The following C12orf42 variants were observed in gnomAD, a reference collection of about 807,000 sequenced individuals.
C12orf42 encodes chromosome 12 open reading frame 42, also known as uncharacterized protein C12orf42.
C12orf42 carries 25 observed loss-of-function variants against 21.6 expected under a neutral mutation model. The ratio of observed to expected loss-of-function variants is 1.16; its 90% CI spans 0.84 to 1.62. The LOEUF (loss-of-function observed/expected upper bound fraction) is 1.62. C12orf42 is among the 40% of genes most tolerant of loss of function. The probability of loss-of-function intolerance (pLI) is 0.00; values close to 1 mark genes in which losing one functional copy is unlikely to be tolerated. For synonymous variants in C12orf42, 174 were observed against 175.0 expected (o/e 0.99, Z 0.05); for missense variants, 483 against 459.3 (o/e 1.05, Z -0.47).
At chr12:103,427,989 A>AT (rs903816817) in intron 2 of C12orf42, among the ~76,000 whole-genome samples, 4 of 152,222 alleles carry the variant, frequency 2.6e-5, no homozygotes, top group African/African-American at 9.6e-5. Context: ...TTAGAGGGAA[A>AT]TTTATAGCAC....
intron 5 of C12orf42, among the ~76,000 whole-genome samples, chr12:103,303,037 C>T (rs1162983942): frequency 6.6e-6 from 1 of 152,064 alleles, no homozygotes; most frequent in African/African-American, 2.4e-5. Flanking sequence ...ATACAGGAGG[C>T]TGTTATTTCA....
upstream of C12orf42, among the ~76,000 whole-genome samples, chr12:103,500,801 A>G (rs1213872055): frequency 6.6e-6 from 1 of 152,216 alleles, no homozygotes; most frequent in Non-Finnish European, 1.5e-5. Flanking sequence ...CTAAATATCA[A>G]CTGTTTATGT....
chr12:103,180,790 G>A, the C12orf42 span, among the ~76,000 whole-genome samples: 5 of 150,518 alleles, frequency 3.3e-5, no homozygotes, highest in Non-Finnish European at 5.9e-5. Flanking sequence ...CACCACACCC[G>A]GCTAATTTTG....
rs118027319 is a variant in C12orf42, at chr12:103,391,080, T to C, written c.147+10527A>G. Among the ~76,000 whole-genome samples, 54 of 152,330 alleles carry C rather than the reference T, an allele frequency of 3.5e-4. No individual in the cohort carries two copies. The East Asian group carries it at 8.7e-3, about 24-fold the overall frequency. On this transcript the variant is annotated intron_variant, in intron 3 of 5. Coordinates refer to ENST00000548883, the MANE Select transcript of C12orf42 (RefSeq NM_198521.5). Reference sequence around the variant, plus strand: ...TATTTGCTCTTTCGTGTCTGGTTTATTTTACTTGGCATAATATTTCCATGG... The same window carrying C: ...TATTTGCTCTTTCGTGTCTGGTTTACTTTACTTGGCATAATATTTCCATGG...
At chr12:103,212,925 A>G in the C12orf42 span, among the ~76,000 whole-genome samples, 1 of 152,042 alleles carries the variant, frequency 6.6e-6, no homozygotes, top group African/African-American at 2.4e-5. Flanking sequence ...GCAGTTAGAT[A>G]CACACACGCA....
chr12:103,521,910 G>A, the C12orf42 span, among the ~76,000 whole-genome samples: 3 of 152,092 alleles, frequency 2.0e-5, no homozygotes, highest in African/African-American at 7.2e-5. Flanking sequence ...TGCTTAAGTC[G>A]ATATATTAAC....
the C12orf42 span, chr12:103,550,700 T>C: frequency 6.6e-6 from 1 of 152,192 alleles, no homozygotes; most frequent in Non-Finnish European, 1.5e-5. Context: ...ATTATTTCTA[T>C]TTCTTTGATA....
chr12:103,102,728 TATCTC>T, the C12orf42 span, among the ~76,000 whole-genome samples: 1,328 of 152,364 alleles, frequency 8.7e-3, 9 homozygotes, highest in Non-Finnish European at 0.014. Flanking sequence ...TCCTATTTAT[TATCTC>T]ATGATTCCTG....
chr12:103,222,169 G>C, the C12orf42 span, among the ~76,000 whole-genome samples: 7 of 152,314 alleles, frequency 4.6e-5, no homozygotes, highest in African/African-American at 1.7e-4. Flanking sequence ...GAGCAACATG[G>C]CTGTTTATTT....
At chr12:103,219,919 C>T in the C12orf42 span, among the ~76,000 whole-genome samples, 1 of 152,032 alleles carries the variant, frequency 6.6e-6, no homozygotes, top group African/African-American at 2.4e-5. Context: ...GGGTATATAC[C>T]CAAAGCATTA....
At chr12:103,550,542 G>A in the C12orf42 span, 1 of 152,020 alleles carries the variant, frequency 6.6e-6, no homozygotes, top group Non-Finnish European at 1.5e-5. Flanking sequence ...CTTGATACAA[G>A]CCTCTGCTGA....
chr12:103,340,984 G>A (rs1392439417), intron 4 of C12orf42, among the ~76,000 whole-genome samples: 1 of 151,764 alleles, frequency 6.6e-6, no homozygotes, highest in East Asian at 1.9e-4. Context: ...ATGGTGGCGA[G>A]TACCTGTAGT....
chr12:103,130,177 C>T, the C12orf42 span, among the ~76,000 whole-genome samples: 1 of 151,842 alleles, frequency 6.6e-6, no homozygotes, highest in Non-Finnish European at 1.5e-5. Flanking sequence ...TATGTCTCAT[C>T]TGATTAGCAA....
At chr12:103,133,825 A>T in the C12orf42 span, among the ~76,000 whole-genome samples, 1 of 152,176 alleles carries the variant, frequency 6.6e-6, no homozygotes, top group Admixed American at 6.5e-5. Context: ...CATGATAGTG[A>T]GTGAGCTCTC....
the C12orf42 span, among the ~76,000 whole-genome samples, chr12:103,158,991 T>C: frequency 7.0e-6 from 1 of 142,842 alleles, no homozygotes; most frequent in Admixed American, 7.3e-5. Context: ...TACAGTTTTA[T>C]CTGTTAAGAG....
chr12:103,299,051 C>T (rs911653417), downstream of C12orf42, among the ~76,000 whole-genome samples: 8 of 151,916 alleles, frequency 5.3e-5, no homozygotes, highest in Non-Finnish European at 8.8e-5. Context: ...ATGTACCAAC[C>T]GCAGGGTATA....
At chr12:103,491,835 G>C (rs1487394695) in intron 1 of C12orf42, among the ~76,000 whole-genome samples, 1 of 152,176 alleles carries the variant, frequency 6.6e-6, no homozygotes, top group Non-Finnish European at 1.5e-5. Flanking sequence ...CAATAAAGCT[G>C]ATAAGCTGAA....
At chr12:103,140,246 T>C in the C12orf42 span, among the ~76,000 whole-genome samples, 1 of 152,230 alleles carries the variant, frequency 6.6e-6, no homozygotes, top group South Asian at 2.1e-4. Flanking sequence ...CACTGGCTTC[T>C]GTTTTTGAGT....
At chr12:103,091,641 C>T in the C12orf42 span, among the ~76,000 whole-genome samples, 3 of 152,106 alleles carry the variant, frequency 2.0e-5, no homozygotes, top group Non-Finnish European at 4.4e-5. Flanking sequence ...GCCACATGTA[C>T]TATGATGAAG....
Sources: gnomAD v4.1 joint callset for allele counts (sites outside exome capture counted in the v4.1 genomes callset) on GRCh38, gnomAD v4.1.1 for gene constraint, MANE v1.5 for transcripts, NCBI Gene and HGNC (gene_info 2026-07-23, HGNC 2026-07-21) for gene names.